The following IFT172 variants were observed in gnomAD, a reference collection of about 807,000 sequenced individuals.
IFT172 encodes the protein intraflagellar transport protein 172 homolog.
IFT172 carries 164 observed loss-of-function variants against 248.9 expected under a neutral mutation model. That is an observed-to-expected ratio of 0.66 (90% CI 0.58 to 0.75). IFT172 has a LOEUF of 0.75. Among genes scored for constraint, IFT172 ranks in the 30% least tolerant of loss-of-function variants. The pLI is 0.00. For synonymous variants in IFT172, 729 were observed against 791.6 expected (o/e 0.92, Z 1.33); for missense variants, 1,950 against 2,192.4 (o/e 0.89, Z 2.21).
chr2:27,479,345 A>C (rs1381970666), intron 10 of IFT172, among the ~76,000 whole-genome samples, 164 bp downstream of exon 10: 1 of 152,206 alleles, frequency 6.6e-6, no homozygotes, highest in Non-Finnish European at 1.5e-5. Context: ...TACAGCAGGA[A>C]AGTTACCACG....
At position 27,457,468 on chromosome 2, in the gene IFT172, G is replaced by C. The variant is rs1055457984; in HGVS notation, c.3228+171C>G. ...CACCTATAGTCCCAGCTACTCAGGA[G>C]GTTGAGGTGGGAGGATCGAGTGCTT... On this transcript the variant is annotated intron_variant, in intron 29 of 47. Transcript: ENST00000260570. Among the ~76,000 whole-genome samples, 3 of 152,280 alleles carry C rather than the reference G, an allele frequency of 2.0e-5. No individual in the cohort carries two copies. The South Asian group carries it at 6.2e-4, about 32-fold the overall frequency.
intron 25 of IFT172, 74 bp downstream of exon 25, chr2:27,459,304 C>G: frequency 6.4e-7 from 1 of 1,558,460 alleles, no homozygotes; most frequent in Non-Finnish European, 8.7e-7. Context: ...CTTGCCTCCA[C>G]TTCCTGCTTT....
chr2:27,470,270 G>GA (rs34157692), intron 16 of IFT172, among the ~76,000 whole-genome samples: 20 of 139,780 alleles, frequency 1.4e-4, no homozygotes, highest in South Asian at 6.6e-4. Flanking sequence ...AAGAGAGAGA[G>GA]AAAAAAAAAA....
At position 27,485,518 on chromosome 2, in the gene IFT172, G is replaced by A; in HGVS notation, c.40-15C>T. ...GCAGCTCCATCCTGTAGAGGCAAAG[G>A]GGTAAAAACAAACCCATGTGCTGGT... On this transcript the variant is annotated splice_polypyrimidine_tract_variant and intron_variant, in intron 1 of 47. Coordinates refer to ENST00000260570, the MANE Select transcript of IFT172 (RefSeq NM_015662.3). The A allele has an allele frequency of 6.2e-7, 1 of 1,613,810 alleles. No individual in the cohort carries two copies. The highest frequency in any genetic ancestry group is 2.2e-5 in the East Asian group (1 of 44,884).
At position 27,451,379 on chromosome 2, in the gene IFT172, G is replaced by A. The variant is rs138566743; in HGVS notation, c.3952-1283C>T. ...ATATATCAGATGCTTATTCAATACT[G>A]CTGATTAAAATCTGCTAGAACCTCA... On this transcript the variant is annotated intron_variant, in intron 35 of 47. Coordinates refer to ENST00000260570, the MANE Select transcript of IFT172 (RefSeq NM_015662.3). Among the ~76,000 whole-genome samples, 7 of 152,244 alleles carry A rather than the reference G, an allele frequency of 4.6e-5. No homozygotes were observed. In the East Asian group the frequency reaches 1.3e-3, roughly 29 times the overall value.
At position 27,454,005 on chromosome 2, in the gene IFT172, C is replaced by G. The variant is rs1347028750; in HGVS notation, c.3688G>C (p.Gly1230Arg). ...ACCTTATAATAATTGAGGGCCAGGCCTGGTCTCTGGGCCCGGAGCAGCAGC... is the reference window on the plus strand; with the variant it reads ...ACCTTATAATAATTGAGGGCCAGGCGTGGTCTCTGGGCCCGGAGCAGCAGC... ...EGLLLRAQRP[G>R]LALNYYKEAG... Residue 1230 changes from glycine (G) to arginine (R), a missense_variant, in exon 33 of 48, where the codon GGC becomes CGC. Coordinates refer to ENST00000260570, the MANE Select transcript of IFT172 (RefSeq NM_015662.3). This position sits in a 1 kb window ranked among gnomAD's most constrained non-coding sequence, Gnocchi z 4.2. 1 of 1,613,524 alleles carries G rather than the reference C, an allele frequency of 6.2e-7. No individual in the cohort carries two copies. Among genetic ancestry groups the G allele is most frequent in the Non-Finnish European group, 8.5e-7 (1 of 1,179,900 alleles).
chr2:27,455,393 G>T (rs1666069901), intron 30 of IFT172: 2 of 256,916 alleles, frequency 7.8e-6, no homozygotes, highest in South Asian at 7.8e-5. Context: ...CAGATTTGAT[G>T]TGCAAATCAG....
Position 27,458,844 on chromosome 2 carries a change from C to CCTTAGTATAGAG in IFT172, c.2800_2811dup (p.Leu934_Lys937dup), listed in dbSNP as rs1666401929. The CCTTAGTATAGAG allele has an allele frequency of 2.5e-6, 4 of 1,614,166 alleles. No individual in the cohort carries two copies. In the Admixed American group the frequency reaches 5.0e-5, roughly 20 times the overall value. ...TCTATGGCATCTTTTGTCCGATCTCCCTTAGTATAGAGCTCCTCAGCAATC... is the reference window on the plus strand; with the variant it reads ...TCTATGGCATCTTTTGTCCGATCTCCCTTAGTATAGAGCTTAGTATAGAGCTCCTCAGCAATC... On this transcript the variant is annotated inframe_insertion, in exon 26 of 48. Transcript: ENST00000260570.
intron 23 of IFT172, among the ~76,000 whole-genome samples, chr2:27,460,688 C>T (rs1029990621): frequency 6.0e-5 from 6 of 99,952 alleles, no homozygotes; most frequent in South Asian, 4.1e-4. Flanking sequence ...CCTTTGTTCA[C>T]GTGTTTGTCT....
rs745698076 is a variant in IFT172 at position 27,481,108 on chromosome 2, C to A, written c.723G>T (p.Arg241=). 2.5e-6 allele frequency: 4 copies of A among 1,613,940 alleles called. No individual in the cohort carries two copies. In the African/African-American group the frequency reaches 5.3e-5, roughly 22 times the overall value. The change falls in exon 8 of 48, where the codon CGG becomes CGT. Residue 241 remains arginine (R), a synonymous_variant. Transcript: ENST00000260570. ...TFDYSRDPQE[R]EFTTAVSSPG... ...GACTTGATACAGCTGTGGTGAACTC[C>A]CGCTCCTGAGGGTCACGGCTATAAT...
intron 16 of IFT172, 74 bp from the exon 17 acceptor site, chr2:27,465,956 C>T (rs1431834988): frequency 6.4e-7 from 1 of 1,560,126 alleles, no homozygotes; most frequent in Admixed American, 1.7e-5. Flanking sequence ...AAAAGACCCA[C>T]CCTCATCCGA....
rs779670290 is a variant in IFT172, at chr2:27,445,383, C to T, written c.4981G>A (p.Val1661Ile). 5 of 1,612,618 alleles carry T rather than the reference C, an allele frequency of 3.1e-6. No individual in the cohort carries two copies. The highest frequency in any genetic ancestry group is 1.3e-5 in the African/African-American group (1 of 74,874). The change falls in exon 46 of 48, where the codon GTT (valine) becomes ATT (isoleucine). Residue 1661 changes from valine to isoleucine, a missense_variant. This residue lies in a region of IFT172 where 620 missense variants were observed against 699.0 expected (regional missense o/e 0.89). Coordinates refer to ENST00000260570, the MANE Select transcript of IFT172 (RefSeq NM_015662.3). This position sits in a 1 kb window ranked among gnomAD's most constrained non-coding sequence, Gnocchi z 4.4. ...TVSMDQRLEQ[V>I]LPRDERGAYE... ...GCGCCACGCTCATCCCGAGGCAGAA[C>T]CTGCTCCAGCCGCTGGTCCATGGAG...
intron 18 of IFT172, 78 bp downstream of exon 18, chr2:27,465,333 G>T: frequency 8.3e-7 from 1 of 1,202,896 alleles, no homozygotes; most frequent in South Asian, 1.2e-5. Context: ...CACCGGATTG[G>T]AGTAGCCCAC....
At chr2:27,451,989 GTATA>G (rs68147754) in intron 35 of IFT172, among the ~76,000 whole-genome samples, 68,799 of 148,478 alleles carry the variant, frequency 0.46, 17,052 homozygotes, top group African/African-American at 0.65. Flanking sequence ...ATGTGTGTGT[GTATA>G]TATATATATA....
chr2:27,476,818 T>C, intron 13 of IFT172, 92 bp from the exon 14 acceptor site: 1 of 623,582 alleles, frequency 1.6e-6, no homozygotes, highest in Non-Finnish European at 2.8e-6. Context: ...ATGAAGCTTT[T>C]ATTTATTTAT....
intron 47 of IFT172, among the ~76,000 whole-genome samples, chr2:27,444,809 G>A (rs865894977): frequency 9.2e-5 from 14 of 152,166 alleles, no homozygotes; most frequent in Admixed American, 3.9e-4. Flanking sequence ...CACCAGACCC[G>A]GCTAACTTTT....
At chr2:27,469,290 C>T (rs542777386) in intron 16 of IFT172, among the ~76,000 whole-genome samples, 31 of 151,828 alleles carry the variant, frequency 2.0e-4, no homozygotes, top group African/African-American at 7.2e-4. Context: ...CTTCTCAGGA[C>T]GCTGAGGTGG....
At chr2:27,458,742 G>A (rs780533981) in intron 26 of IFT172, 37 bp downstream of exon 26, 1 of 1,607,966 alleles carries the variant, frequency 6.2e-7, no homozygotes, top group African/African-American at 1.3e-5. Context: ...TGCCACTAAG[G>A]CAGAGTTCTC....
Position 27,483,343 on chromosome 2 carries a change from T to C in IFT172, c.516A>G (p.Ala172=), listed in dbSNP as rs1302439397. The C allele has an allele frequency of 6.2e-7, 1 of 1,607,800 alleles. No individual in the cohort carries two copies. Among genetic ancestry groups the C allele is most frequent in the African/African-American group, 1.3e-5 (1 of 74,818 alleles). The stretch of plus-strand genomic sequence containing the variant: ...AGAAATACCTAACGATGGTACCATC[T>C]GCATGACCAGAGAGAATTCCTTTCC... ...CSGKGILSGH[A]DGTIVRYFFD... is the part of the protein sequence containing the mutation. Residue 172 remains alanine (A), a synonymous_variant, in exon 7 of 48, where the codon GCA becomes GCG. Transcript: ENST00000260570.
Sources: allele counts gnomAD v4.1 joint callset (sites outside exome capture counted in the v4.1 genomes callset), GRCh38; gene constraint gnomAD v4.1.1; regional missense constraint gnomAD v4.1.1; non-coding constraint Gnocchi (gnomAD v3.1); transcripts MANE v1.5; gene names NCBI Gene and HGNC (gene_info 2026-07-23, HGNC 2026-07-21).